Variants in SLC25A26 observed in about 807,000 individuals in gnomAD.
SLC25A26 encodes the protein solute carrier family 25 member 26, also known as mitochondrial S-adenosylmethionine carrier protein.
A neutral mutation model predicts 37.8 loss-of-function variants in SLC25A26; 36 were observed. The ratio of observed to expected loss-of-function variants is 0.95; its 90% CI spans 0.73 to 1.26. The LOEUF (loss-of-function observed/expected upper bound fraction) is 1.26, where lower values mean the gene tolerates loss of function less well. SLC25A26 is among the 50% of genes most tolerant of loss of function. The probability of loss-of-function intolerance (pLI) is 0.00; values close to 1 mark genes in which losing one functional copy is unlikely to be tolerated. For synonymous variants in SLC25A26, 129 were observed against 122.5 expected (o/e 1.05, Z -0.35); for missense variants, 390 against 331.1 (o/e 1.18, Z -1.38).
chr3:66,199,222 C>T (rs2071081407), intron 1 of SLC25A26, among the ~76,000 whole-genome samples: 1 of 151,978 alleles, frequency 6.6e-6, no homozygotes, highest in South Asian at 2.1e-4. Context: ...CTACCCCTAC[C>T]CTGAACCTGA....
At chr3:66,152,428 C>T (rs1306576934) in intron 1 of SLC25A26, among the ~76,000 whole-genome samples, 4 of 152,162 alleles carry the variant, frequency 2.6e-5, no homozygotes, top group Non-Finnish European at 5.9e-5. Context: ...AATGAAGAGG[C>T]CTGTGACAGA....
At chr3:66,238,848 CAGA>C (rs1397073557) in intron 2 of SLC25A26, among the ~76,000 whole-genome samples, 2 of 151,598 alleles carry the variant, frequency 1.3e-5, no homozygotes, top group African/African-American at 4.8e-5. Flanking sequence ...GTGGCAGAGG[CAGA>C]AGAAGTAGAG....
At chr3:66,282,233 G>A (rs1299341975) in intron 5 of SLC25A26, among the ~76,000 whole-genome samples, 3 of 150,674 alleles carry the variant, frequency 2.0e-5, no homozygotes, top group Non-Finnish European at 3.0e-5. Context: ...GGATGGTCTC[G>A]ATCTCCTGAC....
chr3:66,283,891 A>G (rs2074425345), intron 5 of SLC25A26, among the ~76,000 whole-genome samples: 1 of 151,662 alleles, frequency 6.6e-6, no homozygotes, highest in Non-Finnish European at 1.5e-5. Context: ...TTTAATCTCC[A>G]TTTTCTTTAA....
At chr3:66,139,236 T>G (rs1175716837) in intron 1 of SLC25A26, among the ~76,000 whole-genome samples, 1 of 152,122 alleles carries the variant, frequency 6.6e-6, no homozygotes, top group South Asian at 2.1e-4. Context: ...AAAAAAGGAA[T>G]GGTGAAACCC....
chr3:66,349,905 T>C (rs1271806627), intron 6 of SLC25A26, among the ~76,000 whole-genome samples: 2 of 152,218 alleles, frequency 1.3e-5, no homozygotes, highest in Admixed American at 1.3e-4. Flanking sequence ...GCCATTCTAG[T>C]ACTTGTGAAT....
At chr3:66,188,541 C>G (rs2070873975) in intron 1 of SLC25A26, among the ~76,000 whole-genome samples, 1 of 152,174 alleles carries the variant, frequency 6.6e-6, no homozygotes, top group Non-Finnish European at 1.5e-5. Context: ...CTCCCTCTCT[C>G]TCCATGTGAT....
chr3:66,298,808 T>C (rs997743381), intron 5 of SLC25A26, among the ~76,000 whole-genome samples: 3 of 152,240 alleles, frequency 2.0e-5, no homozygotes, highest in Non-Finnish European at 4.4e-5. Context: ...CAGGATGACG[T>C]TGCTATTTGG....
intron 3 of SLC25A26, among the ~76,000 whole-genome samples, chr3:66,255,448 A>T (rs1217131131): frequency 6.6e-6 from 1 of 151,668 alleles, no homozygotes; most frequent in Admixed American, 6.6e-5. Flanking sequence ...ATATTTAAGG[A>T]GGCCAGCATT....
intron 1 of SLC25A26, among the ~76,000 whole-genome samples, chr3:66,211,332 A>T (rs1380357124): frequency 6.6e-6 from 1 of 152,208 alleles, no homozygotes; most frequent in Admixed American, 6.5e-5. Context: ...AAACAAAAAG[A>T]CCACAGTGCC....
rs374316209 is a variant in SLC25A26, at chr3:66,362,913, C to T, written c.552C>T (p.Val184=). Residue 184 remains valine, a synonymous_variant, in exon 7 of 10, where the codon GTC becomes GTT. Transcript: ENST00000354883. ...TGGTGGATTCTTGGCAGTCAGCAGT[C>T]TGTGGAGCTTTTGCAGGTGCAAAGG... ...DHVVDSWQSA[V]CGAFAGGFAA... is the part of the protein sequence containing the mutation. The T allele has an allele frequency of 2.3e-5, 37 of 1,607,476 alleles. No homozygotes were observed. Among genetic ancestry groups the T allele is most frequent in the Non-Finnish European group, 3.0e-5 (35 of 1,176,720 alleles).
At chr3:66,348,974 C>T (rs948839282) in intron 6 of SLC25A26, among the ~76,000 whole-genome samples, 23 of 152,192 alleles carry the variant, frequency 1.5e-4, no homozygotes, top group African/African-American at 5.3e-4. Flanking sequence ...ACAAGACTTA[C>T]TTTATTAGTG....
At chr3:66,203,585 T>G (rs1353072785) in intron 1 of SLC25A26, among the ~76,000 whole-genome samples, 1 of 152,238 alleles carries the variant, frequency 6.6e-6, no homozygotes, top group East Asian at 1.9e-4. Context: ...TTTTAAATTT[T>G]TAAAATAATG....
intron 5 of SLC25A26, among the ~76,000 whole-genome samples, chr3:66,281,258 T>A (rs1487747957): frequency 6.6e-6 from 1 of 152,184 alleles, no homozygotes; most frequent in African/African-American, 2.4e-5. Context: ...TTACACTTGG[T>A]GAGTTTAATG....
chr3:66,176,816 T>A (rs1234494859), intron 1 of SLC25A26, among the ~76,000 whole-genome samples: 2 of 152,164 alleles, frequency 1.3e-5, no homozygotes, highest in Non-Finnish European at 2.9e-5. Flanking sequence ...TTTGGTTGCC[T>A]TAATTGGGGA....
intron 1 of SLC25A26, among the ~76,000 whole-genome samples, chr3:66,177,739 G>A (rs192672757): frequency 6.6e-6 from 1 of 152,324 alleles, no homozygotes; most frequent in African/African-American, 2.4e-5. Context: ...AAGTAAAGCT[G>A]ACTTTTTAGA....
At chr3:66,336,059 G>T (rs1300483902) in intron 5 of SLC25A26, among the ~76,000 whole-genome samples, 1 of 152,172 alleles carries the variant, frequency 6.6e-6, no homozygotes, top group Non-Finnish European at 1.5e-5. Flanking sequence ...TAAATGCACA[G>T]AGGATGTATC....
At chr3:66,230,535 G>A (rs1331933746) in intron 1 of SLC25A26, among the ~76,000 whole-genome samples, 1 of 152,078 alleles carries the variant, frequency 6.6e-6, no homozygotes, top group Non-Finnish European at 1.5e-5. Context: ...CGGGCGTGGT[G>A]GCTTATGCCT....
intron 1 of SLC25A26, among the ~76,000 whole-genome samples, chr3:66,202,145 A>T (rs965237267): frequency 3.3e-5 from 5 of 152,190 alleles, no homozygotes; most frequent in Non-Finnish European, 5.9e-5. Context: ...GGATAAAGAA[A>T]ATGTGGCATA....
Sources: allele counts gnomAD v4.1 joint callset (sites outside exome capture counted in the v4.1 genomes callset), GRCh38; gene constraint gnomAD v4.1.1; transcripts MANE v1.5; gene names NCBI Gene and HGNC (gene_info 2026-07-23, HGNC 2026-07-21).